The following ZNF362 variants were observed in gnomAD, a reference collection of about 807,000 sequenced individuals.
ZNF362 encodes the protein rotund homolog.
In ZNF362, 11 loss-of-function variants were observed where a neutral mutation model predicts 42.9. That is an observed-to-expected ratio of 0.26 (90% CI 0.16 to 0.42). The LOEUF (loss-of-function observed/expected upper bound fraction) is 0.42. Among genes scored for constraint, ZNF362 ranks in the 20% least tolerant of loss-of-function variants. The probability of loss-of-function intolerance (pLI) is 1.00; values close to 1 mark genes in which losing one functional copy is unlikely to be tolerated. For missense variants in ZNF362, 362 were observed against 576.2 expected (o/e 0.63, Z 3.81); for synonymous variants, 255 against 257.3 (o/e 0.99, Z 0.09).
At chr1:33,231,349 C>T in the ZNF362 span, among the ~76,000 whole-genome samples, 2 of 152,268 alleles carry the variant, frequency 1.3e-5, no homozygotes, top group South Asian at 4.1e-4. Context: ...TGCATGATGG[C>T]CACATCATCT....
the ZNF362 span, among the ~76,000 whole-genome samples, chr1:33,132,831 T>C: frequency 6.6e-6 from 1 of 152,228 alleles, no homozygotes; most frequent in Non-Finnish European, 1.5e-5. Flanking sequence ...TCCTGAGATC[T>C]TGGGTAGTGA....
At chr1:33,136,109 CCAGCCCTT>C in the ZNF362 span, among the ~76,000 whole-genome samples, 1 of 144,712 alleles carries the variant, frequency 6.9e-6, no homozygotes, top group East Asian at 2.0e-4. Context: ...AGCCCAGGGG[CCAGCCCTT>C]CCTTCCTTCC....
At chr1:33,128,826 A>C in the ZNF362 span, among the ~76,000 whole-genome samples, 10 of 152,262 alleles carry the variant, frequency 6.6e-5, no homozygotes, top group Non-Finnish European at 1.5e-4. Flanking sequence ...AAAAATCAGT[A>C]GAAATGAACT....
the ZNF362 span, among the ~76,000 whole-genome samples, chr1:33,234,412 A>T: frequency 6.6e-6 from 1 of 152,188 alleles, no homozygotes; most frequent in East Asian, 1.9e-4. Flanking sequence ...GGGCTACATC[A>T]GAAGAACAAA....
At position 33,280,558 on chromosome 1, in the gene ZNF362, G is replaced by A. The variant is rs1018847315; in HGVS notation, c.683+101G>A. The A allele has an allele frequency of 4.8e-6, 7 of 1,455,540 alleles. No homozygotes were observed. The highest frequency in any genetic ancestry group is 6.4e-6 in the Non-Finnish European group (7 of 1,100,496). 90.2% of individuals were successfully genotyped at this position (1,455,540 alleles called of 1,614,324 possible). Reference sequence around the variant, plus strand: ...CAGCGGGGCTGAAACAGGACCCTTAGGGCTGAGGGGCAGGGCTAGGGTCCA... The same window carrying A: ...CAGCGGGGCTGAAACAGGACCCTTAAGGCTGAGGGGCAGGGCTAGGGTCCA... On this transcript the variant is annotated intron_variant, in intron 5 of 8. Transcript: ENST00000539719. The surrounding 1 kb of genome is among the most constrained non-coding windows in gnomAD (Gnocchi z 5.6).
At chr1:33,252,514 C>T (rs758436998), upstream of ZNF362, among the ~76,000 whole-genome samples, 2 of 152,178 alleles carry the variant, frequency 1.3e-5, no homozygotes, top group Non-Finnish European at 2.9e-5. Context: ...AGTAGAGAAA[C>T]CATGATGGGC....
chr1:33,248,253 T>C, the ZNF362 span, among the ~76,000 whole-genome samples: 8 of 152,240 alleles, frequency 5.3e-5, no homozygotes, highest in African/African-American at 1.9e-4. Flanking sequence ...GGATTTAACA[T>C]TGTCAGGACC....
chr1:33,282,895 T>C (rs1646006538), intron 6 of ZNF362, among the ~76,000 whole-genome samples: 1 of 149,958 alleles, frequency 6.7e-6, no homozygotes, highest in South Asian at 2.1e-4. Context: ...CAAATAAAAA[T>C]ACCATTGGTA....
the ZNF362 span, among the ~76,000 whole-genome samples, chr1:33,246,426 CA>C: frequency 4.6e-5 from 7 of 152,178 alleles, no homozygotes; most frequent in Non-Finnish European, 1.0e-4. Flanking sequence ...GGAACACTCC[CA>C]AAGAAGGGGC....
intron 1 of ZNF362, among the ~76,000 whole-genome samples, chr1:33,264,017 G>T (rs927045444): frequency 2.0e-5 from 3 of 152,128 alleles, no homozygotes; most frequent in Non-Finnish European, 2.9e-5. Flanking sequence ...CTTGGGGCCT[G>T]CTCTGTCTGC....
chr1:33,147,532 G>A, the ZNF362 span: 8 of 1,613,834 alleles, frequency 5.0e-6, no homozygotes, highest in Admixed American at 1.7e-5. The surrounding 1 kb of genome is among the most constrained non-coding windows in gnomAD (Gnocchi z 8.1). Context: ...GGTCTTCTCC[G>A]CCACCACCAC....
At chr1:33,257,426 C>CTTTTT (rs921311790) in intron 1 of ZNF362, among the ~76,000 whole-genome samples, 1 of 136,938 alleles carries the variant, frequency 7.3e-6, no homozygotes, top group African/African-American at 2.7e-5. Flanking sequence ...TTCTTTCTTT[C>CTTTTT]TTTTTTTTTT....
chr1:33,296,025 C>T (rs990181651), intron 8 of ZNF362, among the ~76,000 whole-genome samples: 3 of 152,256 alleles, frequency 2.0e-5, no homozygotes, highest in South Asian at 2.1e-4. Flanking sequence ...GCCTGGTGCT[C>T]GGGCATTGGG....
chr1:33,230,359 A>C, the ZNF362 span, among the ~76,000 whole-genome samples: 1 of 152,182 alleles, frequency 6.6e-6, no homozygotes, highest in Non-Finnish European at 1.5e-5. Flanking sequence ...AACTCATGGA[A>C]TCCTCATACC....
At chr1:33,136,163 C>T in the ZNF362 span, among the ~76,000 whole-genome samples, 2 of 147,450 alleles carry the variant, frequency 1.4e-5, no homozygotes, top group Non-Finnish European at 3.0e-5. Context: ...TCCTTCCTTC[C>T]TTCCTTCCTT....
At chr1:33,129,570 A>G in the ZNF362 span, among the ~76,000 whole-genome samples, 1 of 152,198 alleles carries the variant, frequency 6.6e-6, no homozygotes, top group East Asian at 1.9e-4. The surrounding 1 kb of genome is among the most constrained non-coding windows in gnomAD (Gnocchi z 4.1). Context: ...TCATAAATAT[A>G]TATAGTCTTC....
At chr1:33,147,074 C>T in the ZNF362 span, 40 of 1,339,888 alleles carry the variant, frequency 3.0e-5, 3 homozygotes, top group South Asian at 5.0e-4. The surrounding 1 kb of genome is among the most constrained non-coding windows in gnomAD (Gnocchi z 8.1). Context: ...GGCCTGAGGT[C>T]TCCAGTGGCC....
At chr1:33,262,953 A>G (rs1645839283) in intron 1 of ZNF362, among the ~76,000 whole-genome samples, 1 of 152,182 alleles carries the variant, frequency 6.6e-6, no homozygotes, top group Non-Finnish European at 1.5e-5. Flanking sequence ...GGAGGACCAC[A>G]TACCCAAGCG....
chr1:33,147,883 C>T, the ZNF362 span, among the ~76,000 whole-genome samples: 1 of 152,312 alleles, frequency 6.6e-6, no homozygotes, highest in East Asian at 1.9e-4. The surrounding 1 kb of genome is among the most constrained non-coding windows in gnomAD (Gnocchi z 8.1). Flanking sequence ...TGGGCCTCAT[C>T]TTCCTCCTCT....
Sources: allele counts gnomAD v4.1 joint callset (sites outside exome capture counted in the v4.1 genomes callset), GRCh38; gene constraint gnomAD v4.1.1; non-coding constraint Gnocchi (gnomAD v3.1); transcripts MANE v1.5; gene names NCBI Gene and HGNC (gene_info 2026-07-23, HGNC 2026-07-21).